The following ATAD3C variants were observed in gnomAD, a reference collection of about 807,000 sequenced individuals.
ATAD3C encodes the protein ATPase family AAA domain-containing protein 3C.
Under a neutral mutation model 46.3 loss-of-function variants are expected in ATAD3C, and 38 were observed. The observed-to-expected ratio is 0.82, with a 90% confidence interval of 0.63 to 1.08. The LOEUF is 1.08. Ranked by LOEUF, ATAD3C falls within the 50% of genes least tolerant of loss-of-function variation. The pLI is 0.00. For synonymous variants in ATAD3C, 220 were observed against 236.4 expected (o/e 0.93, Z 0.63); for missense variants, 563 against 572.7 (o/e 0.98, Z 0.17).
intron 9 of ATAD3C, among the ~76,000 whole-genome samples, chr1:1,460,328 G>T (rs975267184): frequency 6.6e-6 from 1 of 151,928 alleles, no homozygotes; most frequent in Admixed American, 6.6e-5. Flanking sequence ...TGACCCACCC[G>T]CCTCGGCCTC....
At chr1:1,466,035 C>A (rs1639137242) in intron 11 of ATAD3C, among the ~76,000 whole-genome samples, 1 of 151,650 alleles carries the variant, frequency 6.6e-6, no homozygotes, top group African/African-American at 2.4e-5. Context: ...CTGAGGTCGG[C>A]AGTTCGAGGC....
rs1241525581 is a variant in ATAD3C at position 1,461,735 on chromosome 1, G to A, written c.980+818G>A. Among the ~76,000 whole-genome samples, 7 of 151,088 alleles carry A rather than the reference G, an allele frequency of 4.6e-5. 1 individual carries two copies. In the East Asian group the frequency reaches 1.2e-3, roughly 26 times the overall value. On this transcript the variant is annotated intron_variant, in intron 10 of 11. Coordinates refer to ENST00000378785, the MANE Select transcript of ATAD3C (RefSeq NM_001039211.3). ...GACCCCCATGTAGGGATTGGAGGGAGAGGCTCCTCATGAGACCCCCATGTC... is the reference window on the plus strand; with the variant it reads ...GACCCCCATGTAGGGATTGGAGGGAAAGGCTCCTCATGAGACCCCCATGTC...
Position 1,460,672 on chromosome 1 carries a change from G to A in ATAD3C, c.813-78G>A, listed in dbSNP as rs1557779888. 4.7e-5 allele frequency: 69 copies of A among 1,463,752 alleles called. 1 individual carries two copies. The South Asian group carries it at 8.4e-4, about 18-fold the overall frequency. 90.7% of individuals were successfully genotyped at this position (1,463,752 alleles called of 1,614,324 possible). A position where few individuals can be genotyped will look rare whatever the true frequency, so the allele number is the denominator to read the frequency against. On this transcript the variant is annotated intron_variant, in intron 9 of 11. Transcript: ENST00000378785. ...ATTCTCCCAGAAAGTCTTCCTGAGG[G>A]GGCTGAGGAGCACCTGTTCCCCTGG...
In ATAD3C at chr1:1,459,959, G is replaced by A. The variant is rs11485859; in HGVS notation, c.812+728G>A. Among the ~76,000 whole-genome samples, 1,878 of 152,098 alleles carry A rather than the reference G, an allele frequency of 0.012. 49 individuals are homozygous for A. The highest frequency in any genetic ancestry group is 0.043 in the African/African-American group (1,772 of 41,484). On this transcript the variant is annotated intron_variant, in intron 9 of 11. Coordinates refer to ENST00000378785, the MANE Select transcript of ATAD3C (RefSeq NM_001039211.3). The surrounding 1 kb of genome is among the most constrained non-coding windows in gnomAD (Gnocchi z 4.9). ...CCTGGGTCAGCTGCTGCCGGTAGAC[G>A]CTCCCTGGAGCCCTGACTCGGGTCC...
chr1:1,451,254 G>A (rs997758137), intron 1 of ATAD3C, among the ~76,000 whole-genome samples: 2 of 151,800 alleles, frequency 1.3e-5, no homozygotes, highest in African/African-American at 4.8e-5. Context: ...GTGTCAGCCA[G>A]GATGGTGTCG....
In ATAD3C at chr1:1,462,744, G is replaced by A; in HGVS notation, c.1089+36G>A. Reference sequence around the variant, plus strand: ...CTCGGGTGCACCCACCCAGATGGAAGCCCAGCTGCTGTGCAGATGCTTGGT... The same window carrying A: ...CTCGGGTGCACCCACCCAGATGGAAACCCAGCTGCTGTGCAGATGCTTGGT... On this transcript the variant is annotated intron_variant, in intron 11 of 11. Coordinates refer to ENST00000378785, the MANE Select transcript of ATAD3C (RefSeq NM_001039211.3). The surrounding 1 kb of genome is among the most constrained non-coding windows in gnomAD (Gnocchi z 4.5). 1 of 1,566,766 alleles carries A rather than the reference G, an allele frequency of 6.4e-7. No individual in the cohort carries two copies. The highest frequency in any genetic ancestry group is 1.2e-5 in the South Asian group (1 of 85,988).
In ATAD3C at chr1:1,450,611, C is replaced by T; in HGVS notation, c.-73C>T. The T allele has an allele frequency of 1.3e-6, 2 of 1,543,198 alleles. No homozygotes were observed. The highest frequency in any genetic ancestry group is 1.8e-6 in the Non-Finnish European group (2 of 1,137,108). On this transcript the variant is annotated 5_prime_UTR_variant, in exon 1 of 12. Coordinates refer to ENST00000378785, the MANE Select transcript of ATAD3C (RefSeq NM_001039211.3). The stretch of plus-strand genomic sequence containing the variant: ...CCGTGGATTCCAGAAAGCCCCTTGG[C>T]TGGTGTGCGTGCCTGCCCAGCGGCA...
At chr1:1,457,545 G>A (rs540290201) in intron 8 of ATAD3C, among the ~76,000 whole-genome samples, 9 of 136,564 alleles carry the variant, frequency 6.6e-5, no homozygotes, top group South Asian at 2.4e-4. Context: ...GCAGTGAGCC[G>A]AGATCGTGCT....
At chr1:1,460,069 ATT>A (rs746685483) in intron 9 of ATAD3C, among the ~76,000 whole-genome samples, 7,065 of 124,142 alleles carry the variant, frequency 0.057, 253 homozygotes, top group East Asian at 0.14. Context: ...GCGTGGCAGT[ATT>A]TTTTTTTTTT....
intron 11 of ATAD3C, among the ~76,000 whole-genome samples, chr1:1,467,847 G>A (rs1240724): frequency 3.3e-5 from 5 of 152,060 alleles, no homozygotes; most frequent in Non-Finnish European, 5.9e-5. Flanking sequence ...CCACACCAAG[G>A]GCCACAGCCC....
In ATAD3C at chr1:1,462,422, GCTC is replaced by G; in HGVS notation, c.981-177_981-175del. On this transcript the variant is annotated intron_variant, in intron 10 of 11. Transcript: ENST00000378785. This position sits in a 1 kb window ranked among gnomAD's most constrained non-coding sequence, Gnocchi z 4.5. The stretch of plus-strand genomic sequence containing the variant: ...CAGGCCCCACAGCCGCCCCCTTCCT[GCTC>G]AGCCCAGGCCTGGCTTGCGTCAGGA... 1 of 631,216 alleles carries G rather than the reference GCTC, an allele frequency of 1.6e-6. No homozygotes were observed. Among genetic ancestry groups the G allele is most frequent in the Non-Finnish European group, 2.7e-6 (1 of 366,342 alleles). The allele number at this position is 631,216 out of a possible 1,614,324, so 39.1% of individuals were successfully genotyped here. A position where few individuals can be genotyped will look rare whatever the true frequency, so the allele number is the denominator to read the frequency against.
At position 1,470,104 on chromosome 1, in the gene ATAD3C, CTT is replaced by C. The variant is rs1371535627; in HGVS notation, c.*1578_*1579del. On this transcript the variant is annotated 3_prime_UTR_variant, in exon 12 of 12. Coordinates refer to ENST00000378785, the MANE Select transcript of ATAD3C (RefSeq NM_001039211.3). The stretch of plus-strand genomic sequence containing the variant: ...AATCCCACCACCCTTTGCTGACTCT[CTT>C]TTTGAACTCAGCCCGCCTGCACCCA... 2 of 152,034 alleles carry C rather than the reference CTT, an allele frequency of 1.3e-5. No individual in the cohort carries two copies. Among genetic ancestry groups the C allele is most frequent in the Non-Finnish European group, 2.9e-5 (2 of 68,002 alleles). The allele number at this position is 152,034 out of a possible 1,614,324, so 9.4% of individuals were successfully genotyped here. A position where few individuals can be genotyped will look rare whatever the true frequency, so the allele number is the denominator to read the frequency against.
chr1:1,461,002 G>A, intron 10 of ATAD3C, 85 bp downstream of exon 10: 1 of 1,444,860 alleles, frequency 6.9e-7, no homozygotes. Flanking sequence ...ACACCCAGCA[G>A]GCCCTGTCTC....
At position 1,459,400 on chromosome 1, in the gene ATAD3C, C is replaced by A. The variant is rs566195692; in HGVS notation, c.812+169C>A. Among the ~76,000 whole-genome samples the A allele has an allele frequency of 2.6e-5, 4 of 151,948 alleles. No homozygotes were observed. The highest frequency in any genetic ancestry group is 9.7e-5 in the African/African-American group (4 of 41,324). Reference sequence around the variant, plus strand: ...GGGAACGGCCCAGCTCAGGACAGCACGGGGTGTCACTGAGGAACATGCGGG... The same window carrying A: ...GGGAACGGCCCAGCTCAGGACAGCAAGGGGTGTCACTGAGGAACATGCGGG... On this transcript the variant is annotated intron_variant, in intron 9 of 11. Transcript: ENST00000378785. The surrounding 1 kb of genome is among the most constrained non-coding windows in gnomAD (Gnocchi z 4.9).
chr1:1,454,086 G>A (rs1051732244), intron 3 of ATAD3C, among the ~76,000 whole-genome samples: 7 of 152,196 alleles, frequency 4.6e-5, no homozygotes, highest in East Asian at 1.9e-4. Context: ...CCCGCTCAGC[G>A]ACCAGAGCTT....
rs557103811 is a variant in ATAD3C, at chr1:1,460,889, G to A, written c.952G>A (p.Val318Ile). ...GGTGAGAATGTATCTTAACGAGTAT[G>A]TTCTTAAGCCGGCCACAGAAGGAAA... is the stretch of plus-strand genomic sequence containing the variant. ...RLVRMYLNEY[V>I]LKPATEGKRR... Residue 318 changes from valine to isoleucine, a missense_variant, in exon 10 of 12, where the codon GTT becomes ATT. By Grantham distance (29) the Val-to-Ile change is conservative. This residue lies in a region of ATAD3C where 273 missense variants were observed against 253.5 expected (regional missense o/e 1.08). Transcript: ENST00000378785. 4 of 1,611,450 alleles carry A rather than the reference G, an allele frequency of 2.5e-6. No homozygotes were observed. Among genetic ancestry groups the A allele is most frequent in the Admixed American group, 3.3e-5 (2 of 59,780 alleles).
At position 1,468,599 on chromosome 1, in the gene ATAD3C, G is replaced by A. The variant is rs571274367; in HGVS notation, c.*69G>A. ...CTCCCACCCCTGCCTTTGCGGCCCC[G>A]CACATTTAGGAAATACTCCCCGTAA... On this transcript the variant is annotated 3_prime_UTR_variant, in exon 12 of 12. Transcript: ENST00000378785. The A allele has an allele frequency of 2.2e-4, 344 of 1,583,706 alleles. 6 individuals carry two copies. In the South Asian group the frequency reaches 3.2e-3, roughly 15 times the overall value.
Position 1,450,584 on chromosome 1 carries a change from G to A in ATAD3C, c.-100G>A. The A allele has an allele frequency of 1.4e-6, 2 of 1,458,820 alleles. No homozygotes were observed. The highest frequency in any genetic ancestry group is 2.5e-5 in the East Asian group (1 of 40,374). 90.4% of individuals were successfully genotyped at this position (1,458,820 alleles called of 1,614,324 possible). On this transcript the variant is annotated 5_prime_UTR_variant, in exon 1 of 12. Transcript: ENST00000378785. ...GCTGGGGGCTTTGAGGTCGAGGCGT[G>A]GCCGTGGATTCCAGAAAGCCCCTTG...
intron 11 of ATAD3C, among the ~76,000 whole-genome samples, chr1:1,467,650 G>A (rs886905718): frequency 6.6e-6 from 1 of 152,088 alleles, no homozygotes; most frequent in Non-Finnish European, 1.5e-5. Context: ...TGTCCGGGAA[G>A]GGTCCCCTGC....
Sources: gnomAD v4.1 joint callset for allele counts (sites outside exome capture counted in the v4.1 genomes callset) on GRCh38, gnomAD v4.1.1 for gene constraint, gnomAD v4.1.1 regional missense constraint, Gnocchi (gnomAD v3.1) non-coding constraint, MANE v1.5 for transcripts, NCBI Gene and HGNC (gene_info 2026-07-23, HGNC 2026-07-21) for gene names.